Variants in C8orf34 observed in about 807,000 individuals in gnomAD.
The protein encoded by C8orf34 is uncharacterized protein C8orf34.
A neutral mutation model predicts 68.3 loss-of-function variants in C8orf34; 65 were observed. The ratio of observed to expected loss-of-function variants is 0.95; its 90% CI spans 0.78 to 1.17. The LOEUF (loss-of-function observed/expected upper bound fraction) is 1.17. Ranked by LOEUF, C8orf34 falls within the 50% of genes most tolerant of loss-of-function variation. The probability of loss-of-function intolerance (pLI) is 0.00; values close to 1 mark genes in which losing one functional copy is unlikely to be tolerated. For missense variants in C8orf34, 664 were observed against 655.4 expected (o/e 1.01, Z -0.14); for synonymous variants, 244 against 241.2 (o/e 1.01, Z -0.11).
chr8:68,433,393 G>A (rs1230845654), intron 1 of C8orf34, among the ~76,000 whole-genome samples: 1 of 152,086 alleles, frequency 6.6e-6, no homozygotes, highest in Non-Finnish European at 1.5e-5. Context: ...AGAGTACAAT[G>A]CCCTGCATAT....
At chr8:68,748,575 A>G (rs1235295755) in intron 10 of C8orf34, among the ~76,000 whole-genome samples, 2 of 152,246 alleles carry the variant, frequency 1.3e-5, no homozygotes, top group African/African-American at 4.8e-5. Flanking sequence ...AAGTAGGCGA[A>G]GGACATGAAG....
intron 7 of C8orf34, among the ~76,000 whole-genome samples, chr8:68,602,292 T>G (rs546474189): frequency 6.6e-6 from 1 of 151,924 alleles, no homozygotes; most frequent in East Asian, 1.9e-4. Flanking sequence ...TGTTGGGGAG[T>G]GTATTAGTCT....
chr8:68,692,501 A>C (rs1291597979), intron 8 of C8orf34, among the ~76,000 whole-genome samples: 1 of 152,056 alleles, frequency 6.6e-6, no homozygotes, highest in Admixed American at 6.6e-5. Flanking sequence ...GTGGCTTTGA[A>C]TTCCAGCTTA....
In C8orf34 at chr8:68,688,028, G is replaced by T. The variant is rs547443473; in HGVS notation, c.1242-20966G>T. Among the ~76,000 whole-genome samples, 29 of 152,100 alleles carry T rather than the reference G, an allele frequency of 1.9e-4. 1 individual carries two copies. Among genetic ancestry groups the T allele is most frequent in the Middle Eastern group, 3.4e-3 (1 of 292 alleles). On this transcript the variant is annotated intron_variant, in intron 8 of 13. Transcript: ENST00000518698. ...CACTTGGGCAACAAACATGAAAAAT[G>T]GTCAACATAACTAATCATCAGGGAA...
intron 1 of C8orf34, among the ~76,000 whole-genome samples, chr8:68,348,265 A>G (rs1427057464): frequency 6.6e-6 from 1 of 151,938 alleles, no homozygotes; most frequent in Non-Finnish European, 1.5e-5. Context: ...CAAAGATAAA[A>G]TGGTCATAGA....
intron 7 of C8orf34, among the ~76,000 whole-genome samples, chr8:68,588,897 T>C (rs1187169909): frequency 1.3e-5 from 2 of 152,164 alleles, no homozygotes; most frequent in East Asian, 3.9e-4. Context: ...GCAGGCCATA[T>C]GGTTTCTGTT....
chr8:68,397,178 G>T (rs897207590), intron 1 of C8orf34, among the ~76,000 whole-genome samples: 1 of 151,760 alleles, frequency 6.6e-6, no homozygotes, highest in African/African-American at 2.4e-5. Flanking sequence ...ACTAACTTTT[G>T]TATTTTTATT....
At chr8:68,410,938 A>G (rs1422555216) in intron 1 of C8orf34, among the ~76,000 whole-genome samples, 1 of 152,136 alleles carries the variant, frequency 6.6e-6, no homozygotes, top group Non-Finnish European at 1.5e-5. Context: ...CCTTAGCCTG[A>G]ATGTTCTCTC....
chr8:68,622,024 C>G (rs1818403223), intron 7 of C8orf34, among the ~76,000 whole-genome samples: 1 of 152,200 alleles, frequency 6.6e-6, no homozygotes, highest in African/African-American at 2.4e-5. Flanking sequence ...TCTTTTGAAA[C>G]TCAGCTGGGG....
At chr8:68,775,892 A>G (rs1823501539) in intron 10 of C8orf34, among the ~76,000 whole-genome samples, 1 of 152,158 alleles carries the variant, frequency 6.6e-6, no homozygotes, top group South Asian at 2.1e-4. Context: ...TCCTCAGCAA[A>G]CTAACACAGG....
At chr8:68,799,952 G>A (rs1585903131) in intron 12 of C8orf34, among the ~76,000 whole-genome samples, 2 of 152,166 alleles carry the variant, frequency 1.3e-5, no homozygotes, top group South Asian at 2.1e-4. Context: ...CATGGGCAAG[G>A]ACACAAAGAC....
intron 7 of C8orf34, chr8:68,534,932 T>A: frequency 1.0e-6 from 1 of 985,338 alleles, no homozygotes; most frequent in South Asian, 4.7e-5. Context: ...TTTTTAGACA[T>A]TTTAGCCTGT....
At chr8:68,657,770 C>G (rs1819551771) in intron 8 of C8orf34, among the ~76,000 whole-genome samples, 4 of 152,158 alleles carry the variant, frequency 2.6e-5, no homozygotes, top group African/African-American at 9.7e-5. Flanking sequence ...TGACACTTTA[C>G]AGGATATTTT....
intron 1 of C8orf34, among the ~76,000 whole-genome samples, chr8:68,376,984 C>T (rs146930688): frequency 8.5e-5 from 13 of 152,150 alleles, no homozygotes; most frequent in African/African-American, 2.7e-4. Context: ...AGTGGAGCAA[C>T]GGATGCAGGA....
intron 7 of C8orf34, among the ~76,000 whole-genome samples, chr8:68,591,752 TCTCA>T (rs1817394794): frequency 6.6e-6 from 1 of 152,200 alleles, no homozygotes; most frequent in African/African-American, 2.4e-5. Flanking sequence ...CTTGTGATAT[TCTCA>T]CTAACTTTTA....
chr8:68,424,421 T>G (rs757237342), intron 1 of C8orf34, among the ~76,000 whole-genome samples: 1 of 152,086 alleles, frequency 6.6e-6, no homozygotes, highest in African/African-American at 2.4e-5. Flanking sequence ...TATTTAAAAA[T>G]ATCACTTATC....
At chr8:68,787,631 T>C in intron 12 of C8orf34, 95 bp downstream of exon 12, 1 of 571,178 alleles carries the variant, frequency 1.8e-6, no homozygotes, top group South Asian at 3.3e-5. Flanking sequence ...ACAACTTCTG[T>C]AAAAAAAAAA....
In C8orf34 at chr8:68,422,570, G is replaced by A. The variant is rs193003990; in HGVS notation, c.328-16929G>A. ...CTCCCAGCTGCTTTCACAGGCTGGTGTTGAGTTCCTCCAGCTTTGCCAGGA... is the reference window on the plus strand; with the variant it reads ...CTCCCAGCTGCTTTCACAGGCTGGTATTGAGTTCCTCCAGCTTTGCCAGGA... On this transcript the variant is annotated intron_variant, in intron 1 of 13. Transcript: ENST00000518698. Among the ~76,000 whole-genome samples, 151 of 152,292 alleles carry A rather than the reference G, an allele frequency of 9.9e-4. 1 individual carries two copies. Among genetic ancestry groups the A allele is most frequent in the South Asian group, 1.7e-3 (8 of 4,824 alleles).
chr8:68,335,363 A>C (rs1032103229), intron 1 of C8orf34, among the ~76,000 whole-genome samples: 15 of 152,198 alleles, frequency 9.9e-5, no homozygotes, highest in Admixed American at 7.2e-4. Flanking sequence ...GGTAGTTATA[A>C]TATGTTCAAC....
Sources: gnomAD v4.1 joint callset for allele counts (sites outside exome capture counted in the v4.1 genomes callset) on GRCh38, gnomAD v4.1.1 for gene constraint, MANE v1.5 for transcripts, NCBI Gene and HGNC (gene_info 2026-07-23, HGNC 2026-07-21) for gene names.